MYOZ1: variants seen among roughly 807,000 people sequenced by gnomAD.
The protein encoded by MYOZ1 is myozenin 1.
Under a neutral mutation model 28.7 loss-of-function variants are expected in MYOZ1, and 20 were observed. The ratio of observed to expected loss-of-function variants is 0.70; its 90% confidence interval spans 0.49 to 1.01. MYOZ1 has a LOEUF of 1.01. MYOZ1 is among the 50% of genes least tolerant of loss of function. The probability of loss-of-function intolerance (pLI) is 0.00; values close to 1 mark genes in which losing one functional copy is unlikely to be tolerated. For synonymous variants in MYOZ1, 144 were observed against 145.8 expected, an observed-to-expected ratio of 0.99 and a Z score of 0.09; for missense variants, 371 against 372.4, an observed-to-expected ratio of 1.00 and a Z score of 0.03.
At position 73,634,471 on chromosome 10, in the gene MYOZ1, T is replaced by C; in HGVS notation, c.502+13A>G. ...AGGGACCAAACACATTACTCTTGGGTGAGTGTACTTGCCTGATCCTGTCTC... is the reference window on the plus strand; with the variant it reads ...AGGGACCAAACACATTACTCTTGGGCGAGTGTACTTGCCTGATCCTGTCTC... On this transcript the variant is annotated intron_variant, in intron 4 of 5. Coordinates refer to ENST00000359322, the MANE Select transcript of MYOZ1 (RefSeq NM_021245.4). 1 of 1,613,544 alleles carries C rather than the reference T, an allele frequency of 6.2e-7. No homozygotes were observed. The highest frequency in any genetic ancestry group is 8.5e-7 in the Non-Finnish European group (1 of 1,179,808).
chr10:73,634,207 G>A lies in MYOZ1; in HGVS notation c.503-142C>T. On this transcript the variant is annotated intron_variant, in intron 4 of 5. Transcript: ENST00000359322. ...TCCTGGTAATTGTATAAGGTTTGTG[G>A]CATAATGATAGTCTGTGGGCAGATC... is the stretch of plus-strand genomic sequence containing the variant. 1.8e-6 allele frequency: 2 copies of A among 1,110,130 alleles called. 1 individual carries two copies. The highest frequency in any genetic ancestry group is 5.2e-5 in the East Asian group (2 of 38,584). The allele number at this position is 1,110,130 out of a possible 1,614,324, so 68.8% of individuals were successfully genotyped here.
intron 1 of MYOZ1, among the ~76,000 whole-genome samples, chr10:73,640,872 A>G (rs913339260): frequency 6.6e-5 from 10 of 152,144 alleles, no homozygotes; most frequent in Non-Finnish European, 1.5e-4. Flanking sequence ...CAGCTGGAAC[A>G]TGGCCTGGGA....
At chr10:73,640,446 G>C (rs2081696937) in intron 1 of MYOZ1, among the ~76,000 whole-genome samples, 1 of 152,174 alleles carries the variant, frequency 6.6e-6, no homozygotes, top group South Asian at 2.1e-4. Context: ...ACCTGACCCA[G>C]ATTTTCAAAG....
rs1461496674 is a variant in MYOZ1 at position 73,637,860 on chromosome 10, A to G, written c.136T>C (p.Leu46=). Reference sequence around the variant, plus strand: ...TTGGTAAGCAGCGACAGTTCCTCCAACATCACATCCCTTGGGACACTGATC... The same window carrying G: ...TTGGTAAGCAGCGACAGTTCCTCCAGCATCACATCCCTTGGGACACTGATC... The part of the protein sequence containing the change: ...KKISVPRDVM[L]EELSLLTNRG... Residue 46 remains leucine, a synonymous_variant, in exon 3 of 6, where the codon TTG becomes CTG. Coordinates refer to ENST00000359322, the MANE Select transcript of MYOZ1 (RefSeq NM_021245.4). 6.2e-7 allele frequency: 1 copy of G among 1,614,138 alleles called. No individual in the cohort carries two copies.
At chr10:73,635,077 T>G (rs1215338881) in intron 3 of MYOZ1, among the ~76,000 whole-genome samples, 2 of 151,678 alleles carry the variant, frequency 1.3e-5, no homozygotes, top group African/African-American at 4.8e-5. Context: ...GCATGCACCA[T>G]CACACCCGGC....
At chr10:73,633,129 T>G (rs1336867090) in intron 5 of MYOZ1, among the ~76,000 whole-genome samples, 1 of 151,726 alleles carries the variant, frequency 6.6e-6, no homozygotes, top group Non-Finnish European at 1.5e-5. Context: ...AAACCCCATC[T>G]CTACTAAAAA....
At position 73,634,105 on chromosome 10, in the gene MYOZ1, A is replaced by G. The variant is rs61699123; in HGVS notation, c.503-40T>C. On this transcript the variant is annotated intron_variant, in intron 4 of 5. Transcript: ENST00000359322. ...AGAGAAAATTCAGTCAAATAATAGC[A>G]TTTAGTAGCCAATGAAAGGTAATCC... The G allele has an allele frequency of 1.8e-3, 2,868 of 1,612,354 alleles. 55 individuals carry two copies. The African/African-American group carries it at 0.033, about 19-fold the overall frequency.
Position 73,637,821 on chromosome 10 carries a change from T to C in MYOZ1, c.175A>G (p.Met59Val). 1.2e-6 allele frequency: 2 copies of C among 1,614,144 alleles called. No homozygotes were observed. The highest frequency in any genetic ancestry group is 1.7e-6 in the Non-Finnish European group (2 of 1,180,022). Residue 59 changes from methionine to valine, a missense_variant, in exon 3 of 6, where the codon ATG becomes GTG. Coordinates refer to ENST00000359322, the MANE Select transcript of MYOZ1 (RefSeq NM_021245.4). ...LSLLTNRGSK[M>V]FKLRQMRVEK... ...ACCCTCATCTGCCGCAGTTTGAACA[T>C]CTTGGAGCCCCGGTTGGTAAGCAGC...
chr10:73,640,984 A>G (rs955286519), intron 1 of MYOZ1, among the ~76,000 whole-genome samples: 2 of 152,212 alleles, frequency 1.3e-5, no homozygotes, highest in African/African-American at 2.4e-5. Flanking sequence ...CGACACGTCA[A>G]TTCAGCAATA....
chr10:73,632,176 CATT>C lies in MYOZ1; in HGVS notation c.669-18_669-16del, dbSNP rs1404404772. 1.9e-6 allele frequency: 3 copies of C among 1,601,294 alleles called. No homozygotes were observed. The highest frequency in any genetic ancestry group is 2.6e-6 in the Non-Finnish European group (3 of 1,168,648). On this transcript the variant is annotated splice_polypyrimidine_tract_variant and intron_variant, in intron 5 of 5. Transcript: ENST00000359322. ...GCATTGCCGTCCTGAGAAGGGGACACATTATTTAATTAAGAATCAGAATAAAAG... is the reference window on the plus strand; with the variant it reads ...GCATTGCCGTCCTGAGAAGGGGACACATTTAATTAAGAATCAGAATAAAAG...
Position 73,632,089 on chromosome 10 carries a change from C to G in MYOZ1, c.741G>C (p.Leu247=), listed in dbSNP as rs762210190. The G allele has an allele frequency of 2.1e-5, 34 of 1,614,000 alleles. No individual in the cohort carries two copies. The highest frequency in any genetic ancestry group is 2.9e-5 in the Non-Finnish European group (34 of 1,180,026). ...CCAGGGGTTCACTCAGCAAGGGCCCCAGGTCAAACTTGGGCATCTGGAAGG... is the reference window on the plus strand; with the variant it reads ...CCAGGGGTTCACTCAGCAAGGGCCCGAGGTCAAACTTGGGCATCTGGAAGG... The part of the protein sequence containing the change: ...RMTFQMPKFD[L]GPLLSEPLVL... Residue 247 remains leucine, a synonymous_variant, in exon 6 of 6, where the codon CTG becomes CTC. Coordinates refer to ENST00000359322, the MANE Select transcript of MYOZ1 (RefSeq NM_021245.4).
chr10:73,632,154 T>C lies in MYOZ1; in HGVS notation c.676A>G (p.Met226Val), dbSNP rs1443694632. 6.2e-7 allele frequency: 1 copy of C among 1,614,000 alleles called. No homozygotes were observed. Residue 226 changes from methionine (M) to valine (V), a missense_variant, in exon 6 of 6, where the codon ATG becomes GTG. By Grantham distance (21) the Met-to-Val change is conservative (BLOSUM62 1). Transcript: ENST00000359322. Reference sequence around the variant, plus strand: ...GCCTTCTCATATCCACCATAGGGCATTGCCGTCCTGAGAAGGGGACACATT... The same window carrying C: ...GCCTTCTCATATCCACCATAGGGCACTGCCGTCCTGAGAAGGGGACACATT... ...PKYKSFNRTAMPYGGYEKASK... is the reference protein window; with the variant it reads ...PKYKSFNRTAVPYGGYEKASK...
chr10:73,638,872 G>A (rs771640704), intron 2 of MYOZ1, among the ~76,000 whole-genome samples: 2 of 150,936 alleles, frequency 1.3e-5, no homozygotes, highest in Non-Finnish European at 2.9e-5. Flanking sequence ...CACCATGTTG[G>A]CCGGGCTGGT....
chr10:73,633,228 C>T (rs1026578979), intron 5 of MYOZ1, among the ~76,000 whole-genome samples: 62 of 151,652 alleles, frequency 4.1e-4, no homozygotes, highest in African/African-American at 1.3e-3. Flanking sequence ...ACCCAGGAGG[C>T]GGAGGTTGCA....
At chr10:73,635,394 C>T (rs1377283986) in intron 3 of MYOZ1, among the ~76,000 whole-genome samples, 1 of 151,732 alleles carries the variant, frequency 6.6e-6, no homozygotes, top group African/African-American at 2.4e-5. Context: ...AATTCTTTTG[C>T]TTTTTGAGAC....
intron 4 of MYOZ1, 150 bp downstream of exon 4, chr10:73,634,334 A>G: frequency 9.8e-7 from 1 of 1,018,108 alleles, no homozygotes; most frequent in Non-Finnish European, 1.4e-6. Flanking sequence ...ATTCACCAAG[A>G]TATTTATGAT....
intron 3 of MYOZ1, among the ~76,000 whole-genome samples, chr10:73,637,388 TA>T (rs1250921190): frequency 1.3e-5 from 2 of 152,216 alleles, no homozygotes; most frequent in Non-Finnish European, 2.9e-5. Context: ...CATACTTCAC[TA>T]AAAAATTATT....
intron 5 of MYOZ1, among the ~76,000 whole-genome samples, chr10:73,633,217 A>T (rs2081646372): frequency 6.6e-6 from 1 of 152,122 alleles, no homozygotes; most frequent in Non-Finnish European, 1.5e-5. Context: ...AAATCACTTG[A>T]ACCCAGGAGG....
chr10:73,633,874 T>A (rs1420775906), intron 5 of MYOZ1, 26 bp downstream of exon 5: 2 of 1,584,800 alleles, frequency 1.3e-6, no homozygotes, highest in Non-Finnish European at 1.7e-6. Flanking sequence ...CTAGAATGCA[T>A]CTGGTTCCTT....
Sources: allele counts gnomAD v4.1 joint callset (sites outside exome capture counted in the v4.1 genomes callset), GRCh38; gene constraint gnomAD v4.1.1; transcripts MANE v1.5; gene names NCBI Gene and HGNC (gene_info 2026-07-23, HGNC 2026-07-21).